The following CDK14 variants were observed in gnomAD, a reference collection of about 807,000 sequenced individuals.
The protein encoded by CDK14 is cyclin dependent kinase 14.
Under a neutral mutation model 60.7 loss-of-function variants are expected in CDK14, and 34 were observed. The ratio of observed to expected loss-of-function variants is 0.56; its 90% CI spans 0.43 to 0.75. The LOEUF is 0.75. CDK14 is among the 30% of genes least tolerant of loss of function. CDK14 has a pLI of 0.00. For synonymous variants in CDK14, 197 were observed against 203.7 expected, an observed-to-expected ratio of 0.97 and a Z score of 0.28; for missense variants, 482 against 564.1, an observed-to-expected ratio of 0.85 and a Z score of 1.47.
chr7:90,830,622 G>A (rs557665966), intron 5 of CDK14, among the ~76,000 whole-genome samples: 2 of 152,250 alleles, frequency 1.3e-5, no homozygotes, highest in East Asian at 1.9e-4. Flanking sequence ...CAGAAAATGG[G>A]TTTTTCTTTT....
chr7:90,865,383 T>A (rs2117228258), intron 6 of CDK14, among the ~76,000 whole-genome samples: 1 of 152,306 alleles, frequency 6.6e-6, no homozygotes, highest in South Asian at 2.1e-4. Context: ...TTTTATTTCC[T>A]TAACACAAGT....
At chr7:90,957,320 G>A (rs1794457186) in intron 9 of CDK14, among the ~76,000 whole-genome samples, 1 of 152,160 alleles carries the variant, frequency 6.6e-6, no homozygotes, top group African/African-American at 2.4e-5. Flanking sequence ...ACTGGTGTGA[G>A]ATGGTATCTC....
intron 2 of CDK14, among the ~76,000 whole-genome samples, chr7:90,655,484 G>A (rs983662822): frequency 6.6e-6 from 1 of 152,130 alleles, no homozygotes; most frequent in African/African-American, 2.4e-5. Context: ...GGCAGATACT[G>A]ACTTCCTTGC....
At chr7:91,156,664 G>A (rs10226941) in intron 14 of CDK14, among the ~76,000 whole-genome samples, 1 of 152,128 alleles carries the variant, frequency 6.6e-6, no homozygotes, top group East Asian at 1.9e-4. Flanking sequence ...TATTTTTAAT[G>A]GTGGGAGGAT....
intron 7 of CDK14, among the ~76,000 whole-genome samples, chr7:90,900,554 TACATCC>T (rs1792475357): frequency 6.6e-6 from 1 of 152,200 alleles, no homozygotes; most frequent in Admixed American, 6.5e-5. Flanking sequence ...CTCTCATTTA[TACATCC>T]ACATGTTCTC....
At chr7:90,814,166 G>A (rs1359923938) in intron 5 of CDK14, among the ~76,000 whole-genome samples, 1 of 152,114 alleles carries the variant, frequency 6.6e-6, no homozygotes, top group Admixed American at 6.5e-5. Context: ...TGTATAATTG[G>A]TTGAATTATA....
intron 4 of CDK14, among the ~76,000 whole-genome samples, chr7:90,788,629 A>G (rs1474277344): frequency 6.6e-6 from 1 of 152,186 alleles, no homozygotes; most frequent in South Asian, 2.1e-4. Context: ...TATTTCCGCA[A>G]TCAGTTCAAT....
chr7:91,081,233 TC>T (rs1798475068), intron 12 of CDK14, among the ~76,000 whole-genome samples: 1 of 152,188 alleles, frequency 6.6e-6, no homozygotes, highest in African/African-American at 2.4e-5. Context: ...TATTGATTCT[TC>T]CTCCAAATGG....
At chr7:90,698,655 A>AT (rs1400400854) in intron 2 of CDK14, among the ~76,000 whole-genome samples, 1 of 152,124 alleles carries the variant, frequency 6.6e-6, no homozygotes, top group East Asian at 1.9e-4. Context: ...AACACCCCCA[A>AT]TTTTTTTGGA....
chr7:91,015,521 G>GTTTTTT (rs10710645), intron 10 of CDK14, among the ~76,000 whole-genome samples: 30 of 77,674 alleles, frequency 3.9e-4, no homozygotes, highest in East Asian at 6.7e-4. Context: ...TATGTCTTGG[G>GTTTTTT]TTTTTTTTTT....
At chr7:91,108,511 A>G (rs750674295) in intron 12 of CDK14, among the ~76,000 whole-genome samples, 1 of 152,178 alleles carries the variant, frequency 6.6e-6, no homozygotes, top group African/African-American at 2.4e-5. Context: ...TTAATGTCCT[A>G]CAGAATTTAA....
chr7:90,756,927 C>A (rs1804085172), intron 4 of CDK14, among the ~76,000 whole-genome samples: 1 of 152,136 alleles, frequency 6.6e-6, no homozygotes, highest in Non-Finnish European at 1.5e-5. Context: ...TTACAGGTGT[C>A]ATGTTTGGAT....
intron 12 of CDK14, among the ~76,000 whole-genome samples, chr7:91,095,352 G>C (rs1257058682): frequency 1.3e-5 from 2 of 152,234 alleles, no homozygotes; most frequent in Non-Finnish European, 2.9e-5. Flanking sequence ...GAGAGAAGAG[G>C]AGACTGGTGA....
At chr7:90,978,295 C>G (rs972799273) in intron 9 of CDK14, among the ~76,000 whole-genome samples, 5 of 152,010 alleles carry the variant, frequency 3.3e-5, no homozygotes, top group Non-Finnish European at 7.4e-5. Flanking sequence ...CCTCGAGCCT[C>G]TACTGTTGAT....
intron 10 of CDK14, among the ~76,000 whole-genome samples, chr7:91,030,589 T>A (rs977386753): frequency 6.6e-6 from 1 of 152,082 alleles, no homozygotes; most frequent in African/African-American, 2.4e-5. Context: ...TAGGTGCCCC[T>A]GTGAAAGAGG....
At chr7:91,112,447 A>G (rs1799491487) in intron 12 of CDK14, 95 bp from the exon 13 acceptor site, 1 of 1,347,430 alleles carries the variant, frequency 7.4e-7, no homozygotes, top group Admixed American at 2.2e-5. Context: ...CTAGCCAGGA[A>G]TAAATTGAAA....
rs142619671 is a variant in CDK14 at position 90,882,262 on chromosome 7, CA to C, written c.640-17013del. Among the ~76,000 whole-genome samples the C allele has an allele frequency of 2.4e-3, 280 of 116,584 alleles. 2 individuals carry two copies. The highest frequency in any genetic ancestry group is 7.9e-3 in the African/African-American group (239 of 30,402). 76.5% of individuals were successfully genotyped at this position (116,584 alleles called of 152,430 possible). A position where few individuals can be genotyped will look rare whatever the true frequency, so the allele number is the denominator to read the frequency against. On this transcript the variant is annotated intron_variant, in intron 6 of 14. Coordinates refer to ENST00000380050, the MANE Select transcript of CDK14 (RefSeq NM_001287135.2). ...GGAAATTTACCAAGCAAATGGAAAG[CA>C]AAAAAAAAAAAAAAAGCAGGGATTG...
At chr7:90,844,174 T>C (rs1340016651) in intron 5 of CDK14, among the ~76,000 whole-genome samples, 8 of 152,216 alleles carry the variant, frequency 5.3e-5, no homozygotes, top group Non-Finnish European at 8.8e-5. Flanking sequence ...GCTAGTTGCA[T>C]AGGCACATAA....
chr7:90,799,437 C>T lies in CDK14; in HGVS notation c.544+8785C>T, dbSNP rs1788550298. Among the ~76,000 whole-genome samples, 3 of 152,150 alleles carry T rather than the reference C, an allele frequency of 2.0e-5. No homozygotes were observed. The South Asian group carries it at 6.2e-4, about 32-fold the overall frequency. On this transcript the variant is annotated intron_variant, in intron 5 of 14. Transcript: ENST00000380050. Reference sequence around the variant, plus strand: ...GTGCGGTGGCTCACACCTGTAATCCCAGTACTTTGGGAGGCGGAGGCAGGC... The same window carrying T: ...GTGCGGTGGCTCACACCTGTAATCCTAGTACTTTGGGAGGCGGAGGCAGGC...
Sources: gnomAD v4.1 joint callset for allele counts (sites outside exome capture counted in the v4.1 genomes callset) on GRCh38, gnomAD v4.1.1 for gene constraint, MANE v1.5 for transcripts, NCBI Gene and HGNC (gene_info 2026-07-23, HGNC 2026-07-21) for gene names.